The following HTR7 variants were observed in gnomAD, a reference collection of about 807,000 sequenced individuals.
The protein encoded by HTR7 is 5-HT-7.
HTR7 carries 16 observed loss-of-function variants against 34.0 expected under a neutral mutation model. The ratio of observed to expected loss-of-function variants is 0.47; its 90% CI spans 0.32 to 0.71. HTR7 has a LOEUF of 0.71. HTR7 is among the 30% of genes least tolerant of loss of function. The pLI is 0.04. For synonymous variants in HTR7, 265 were observed against 260.2 expected, an observed-to-expected ratio of 1.02 and a Z score of -0.18; for missense variants, 504 against 625.5, an observed-to-expected ratio of 0.81 and a Z score of 2.07.
At chr10:90,822,880 T>C (rs750301844) in intron 1 of HTR7, among the ~76,000 whole-genome samples, 14 of 152,214 alleles carry the variant, frequency 9.2e-5, no homozygotes, top group Non-Finnish European at 2.1e-4. Flanking sequence ...TTCAGGCCAC[T>C]GTTCCAGAGG....
intron 1 of HTR7, among the ~76,000 whole-genome samples, chr10:90,821,051 T>C (rs186192616): frequency 7.6e-4 from 115 of 152,068 alleles, no homozygotes; most frequent in Non-Finnish European, 4.0e-4. Context: ...AATGGATGAA[T>C]ACAAGCTTCC....
At chr10:90,812,242 C>T (rs1271080493) in intron 1 of HTR7, among the ~76,000 whole-genome samples, 1 of 152,106 alleles carries the variant, frequency 6.6e-6, no homozygotes. Context: ...AAAAACTTGT[C>T]ATCCCTACTA....
chr10:90,799,644 C>T (rs1490494882), intron 1 of HTR7, among the ~76,000 whole-genome samples: 9 of 152,116 alleles, frequency 5.9e-5, no homozygotes, highest in African/African-American at 2.2e-4. Flanking sequence ...GGTATATACA[C>T]TGGTATAATG....
rs1844705142 is a variant in HTR7, at chr10:90,749,675, A to G, written c.540-81T>C. On this transcript the variant is annotated intron_variant, in intron 1 of 3. Coordinates refer to ENST00000336152, the MANE Select transcript of HTR7 (RefSeq NM_019859.4). This position sits in a 1 kb window ranked among gnomAD's most constrained non-coding sequence, Gnocchi z 4.2. ...AAGCAAGTCCTGCCAGCCAGGTACC[A>G]GCGCCAGTCCTCGCAACAGCCCTTC... 8 of 1,370,150 alleles carry G rather than the reference A, an allele frequency of 5.8e-6. No homozygotes were observed. Among genetic ancestry groups the G allele is most frequent in the East Asian group, 4.6e-5 (2 of 43,386 alleles). The allele number at this position is 1,370,150 out of a possible 1,614,324, so 84.9% of individuals were successfully genotyped here.
intron 1 of HTR7, among the ~76,000 whole-genome samples, chr10:90,756,784 C>T (rs1844837756): frequency 6.6e-6 from 1 of 151,868 alleles, no homozygotes; most frequent in African/African-American, 2.4e-5. Context: ...ACTGTTGCTA[C>T]ATAACTAATT....
At chr10:90,827,709 ACCGGAGTAC>A in intron 1 of HTR7, among the ~76,000 whole-genome samples, 1 of 152,346 alleles carries the variant, frequency 6.6e-6, no homozygotes, top group Non-Finnish European at 1.5e-5. Context: ...TCTACCCAAC[ACCGGAGTAC>A]CCAGATATAT....
chr10:90,814,292 G>T (rs1029922219), intron 1 of HTR7, among the ~76,000 whole-genome samples: 1 of 152,196 alleles, frequency 6.6e-6, no homozygotes, highest in Non-Finnish European at 1.5e-5. Context: ...TATGATGATA[G>T]GAATATTCAC....
intron 1 of HTR7, among the ~76,000 whole-genome samples, chr10:90,752,299 T>C (rs1009688683): frequency 6.6e-6 from 1 of 152,088 alleles, no homozygotes; most frequent in African/African-American, 2.4e-5. Context: ...GTGGAGATGA[T>C]GCAATTAACA....
intron 1 of HTR7, among the ~76,000 whole-genome samples, chr10:90,796,905 G>A (rs974677310): frequency 2.0e-4 from 31 of 151,946 alleles, no homozygotes; most frequent in African/African-American, 7.2e-4. Flanking sequence ...CCAGTTACTC[G>A]GGAGGCTGAG....
At chr10:90,742,583 G>C (rs995448120) in intron 3 of HTR7, 55 bp from the exon 4 acceptor site, 1 of 1,292,714 alleles carries the variant, frequency 7.7e-7, no homozygotes, top group African/African-American at 1.5e-5. Flanking sequence ...GTAAATGTGA[G>C]TTTTCATTTT....
At chr10:90,781,920 G>C (rs966643599) in intron 1 of HTR7, among the ~76,000 whole-genome samples, 1 of 152,148 alleles carries the variant, frequency 6.6e-6, no homozygotes. Context: ...CAAGCCCCCA[G>C]CCTTTCTTCC....
intron 1 of HTR7, among the ~76,000 whole-genome samples, chr10:90,831,399 G>T (rs1443483748): frequency 6.6e-6 from 1 of 152,020 alleles, no homozygotes; most frequent in Non-Finnish European, 1.5e-5. Flanking sequence ...ATCTGGAGTT[G>T]TTTGTTCCTC....
chr10:90,752,038 G>C (rs1037281056), intron 1 of HTR7, among the ~76,000 whole-genome samples: 1 of 152,044 alleles, frequency 6.6e-6, no homozygotes. Context: ...GTCTGCCCTG[G>C]ATGTACAAAT....
intron 1 of HTR7, among the ~76,000 whole-genome samples, chr10:90,810,279 C>T (rs1238704958): frequency 6.6e-6 from 1 of 152,026 alleles, no homozygotes; most frequent in African/African-American, 2.4e-5. Flanking sequence ...TCAAAGCCTC[C>T]TTCACATCCT....
chr10:90,776,681 ATACT>A (rs1845217229), intron 1 of HTR7, among the ~76,000 whole-genome samples: 1 of 152,248 alleles, frequency 6.6e-6, no homozygotes, highest in Admixed American at 6.5e-5. Context: ...ATTAAGAGTA[ATACT>A]TAGGGAGTAA....
intron 1 of HTR7, among the ~76,000 whole-genome samples, chr10:90,758,012 A>G (rs1220376913): frequency 1.3e-5 from 2 of 152,214 alleles, no homozygotes; most frequent in Non-Finnish European, 2.9e-5. Context: ...TCATCAGGGC[A>G]GATCTAATGG....
intron 1 of HTR7, among the ~76,000 whole-genome samples, chr10:90,829,961 T>C (rs979115437): frequency 2.0e-5 from 3 of 152,256 alleles, no homozygotes; most frequent in African/African-American, 4.8e-5. Context: ...AAATGTTTCA[T>C]GTTCATGGAT....
At chr10:90,811,970 G>A (rs903143062) in intron 1 of HTR7, among the ~76,000 whole-genome samples, 1 of 152,158 alleles carries the variant, frequency 6.6e-6, no homozygotes, top group Non-Finnish European at 1.5e-5. Context: ...TTAGTATTCA[G>A]TGAAACCTTT....
intron 1 of HTR7, among the ~76,000 whole-genome samples, chr10:90,839,903 C>A (rs1384236888): frequency 1.3e-5 from 2 of 152,026 alleles, no homozygotes; most frequent in Non-Finnish European, 2.9e-5. Context: ...GTATCTATAA[C>A]CTAACTTTCA....
Sources: allele counts gnomAD v4.1 joint callset (sites outside exome capture counted in the v4.1 genomes callset), GRCh38; gene constraint gnomAD v4.1.1; non-coding constraint Gnocchi (gnomAD v3.1); transcripts MANE v1.5; gene names NCBI Gene and HGNC (gene_info 2026-07-23, HGNC 2026-07-21).